The following GLUL variants were observed in gnomAD, a reference collection of about 807,000 sequenced individuals.
The protein encoded by GLUL is glutamate-ammonia ligase.
GLUL carries 8 observed loss-of-function variants against 36.9 expected under a neutral mutation model. The observed-to-expected ratio is 0.22, with a 90% CI of 0.13 to 0.39. The LOEUF is 0.39. Among genes scored for constraint, GLUL ranks in the 10% least tolerant of loss-of-function variants. The pLI, the probability that GLUL is intolerant of heterozygous loss-of-function variation, is 1.00. For missense variants in GLUL, 315 were observed against 501.8 expected (o/e 0.63, Z 3.56); for synonymous variants, 182 against 172.8 (o/e 1.05, Z -0.42).
Position 182,386,663 on chromosome 1 carries a change from G to C in GLUL, c.329-261C>G, listed in dbSNP as rs543540403. 28 of 541,580 alleles carry C rather than the reference G, an allele frequency of 5.2e-5. No individual in the cohort carries two copies. In the Middle Eastern group the frequency reaches 1.5e-3, roughly 28 times the overall value. The allele number at this position is 541,580 out of a possible 1,614,324, so 33.5% of individuals were successfully genotyped here. ...ACCAAGTCACATGGGAGTGGATTTAGAACAGGGCAACTTTCACCTTATCTG... is the reference window on the plus strand; with the variant it reads ...ACCAAGTCACATGGGAGTGGATTTACAACAGGGCAACTTTCACCTTATCTG... On this transcript the variant is annotated intron_variant, in intron 3 of 6. Coordinates refer to ENST00000331872, the MANE Select transcript of GLUL (RefSeq NM_001033044.4).
chr1:182,385,729 T>A, intron 5 of GLUL, 31 bp downstream of exon 5: 8 of 1,613,458 alleles, frequency 5.0e-6, no homozygotes, highest in Non-Finnish European at 6.8e-6. Context: ...CTACCTACCC[T>A]TCTTCATTGA....
intron 2 of GLUL, among the ~76,000 whole-genome samples, 161 bp downstream of exon 2, chr1:182,388,411 T>A (rs1650268120): frequency 6.6e-6 from 1 of 152,200 alleles, no homozygotes; most frequent in African/African-American, 2.4e-5. Context: ...TGAGGCAGTG[T>A]AGGAGCTTAA....
Position 182,387,125 on chromosome 1 carries a change from A to T in GLUL, c.328+6T>A, listed in dbSNP as rs543481170. On this transcript the variant is annotated splice_donor_region_variant and intron_variant, in intron 3 of 6. Transcript: ENST00000331872. ...GAGGGGTATCCATAGCTGTGCTATA[A>T]CACACCTGCAGGCCTTCGATTGTAC... is the stretch of plus-strand genomic sequence containing the variant. The T allele has an allele frequency of 4.2e-5, 68 of 1,607,980 alleles. 1 individual carries two copies. In the South Asian group the frequency reaches 7.5e-4, roughly 18 times the overall value.
rs899488089 is a variant in GLUL at position 182,384,297 on chromosome 1, C to T, written c.*108G>A. 4 of 811,582 alleles carry T rather than the reference C, an allele frequency of 4.9e-6. No individual in the cohort carries two copies. The African/African-American group carries it at 5.1e-5, about 10-fold the overall frequency. 50.3% of individuals were successfully genotyped at this position (811,582 alleles called of 1,614,324 possible). On this transcript the variant is annotated 3_prime_UTR_variant, in exon 7 of 7. Transcript: ENST00000331872. Reference sequence around the variant, plus strand: ...TGGGCACATGGAATGAAAAAAACGACCTTGATATTCCACCCTTTGAGTTAC... The same window carrying T: ...TGGGCACATGGAATGAAAAAAACGATCTTGATATTCCACCCTTTGAGTTAC...
At position 182,378,575 on chromosome 1, in the gene GLUL, C is replaced by T. The variant is rs551290808; in HGVS notation, c.*5830G>A. On this transcript the variant is annotated 3_prime_UTR_variant, in exon 7 of 7. Transcript: ENST00000331872. Reference sequence around the variant, plus strand: ...CCTAGTGACAACTTTCTCATCTCGGCGAATTCTCTTGTGTACTGTTTCTGG... The same window carrying T: ...CCTAGTGACAACTTTCTCATCTCGGTGAATTCTCTTGTGTACTGTTTCTGG... Among the ~76,000 whole-genome samples the T allele has an allele frequency of 6.6e-6, 1 of 152,096 alleles. No individual in the cohort carries two copies. The highest frequency in any genetic ancestry group is 1.5e-5 in the Non-Finnish European group (1 of 68,024).
intron 4 of GLUL, 129 bp from the exon 5 acceptor site, chr1:182,386,016 A>T: frequency 9.8e-7 from 1 of 1,020,118 alleles, no homozygotes; most frequent in Admixed American, 1.7e-5. Context: ...GGTGCGGGGC[A>T]GGGGAGGGGC....
chr1:182,387,136 G>A lies in GLUL; in HGVS notation c.323C>T (p.Pro108Leu). 1 of 1,612,978 alleles carries A rather than the reference G, an allele frequency of 6.2e-7. No individual in the cohort carries two copies. Among genetic ancestry groups the A allele is most frequent in the Non-Finnish European group, 8.5e-7 (1 of 1,179,052 alleles). The change falls in exon 3 of 7, where the codon CCT (proline) becomes CTT (leucine). Residue 108 changes from proline to leucine, a missense_variant. Physicochemically the swap from Pro to Leu is moderately conservative, Grantham distance 98. Coordinates refer to ENST00000331872, the MANE Select transcript of GLUL (RefSeq NM_001033044.4). ...LCEVFKYNRR[P>L]AETNLRHTCK... The stretch of plus-strand genomic sequence containing the variant: ...ATAGCTGTGCTATAACACACCTGCA[G>A]GCCTTCGATTGTACTTGAAAACTTC...
chr1:182,379,575 G>T lies in GLUL; in HGVS notation c.*4830C>A, dbSNP rs1571398559. Among the ~76,000 whole-genome samples, 1 of 151,880 alleles carries T rather than the reference G, an allele frequency of 6.6e-6. No individual in the cohort carries two copies. The highest frequency in any genetic ancestry group is 2.4e-5 in the African/African-American group (1 of 41,334). ...TTTTTTTTTGTTTTTTTGAGACAGG[G>T]TCTCACTTTGTTGCCCAGACTGGAG... On this transcript the variant is annotated 3_prime_UTR_variant, in exon 7 of 7. Coordinates refer to ENST00000331872, the MANE Select transcript of GLUL (RefSeq NM_001033044.4).
At chr1:182,386,936 CAGAG>C in intron 3 of GLUL, 191 bp downstream of exon 3, 1 of 643,164 alleles carries the variant, frequency 1.6e-6, no homozygotes, top group South Asian at 1.8e-5. Context: ...ATGCAACCAA[CAGAG>C]AAGACCATAG....
At position 182,379,107 on chromosome 1, in the gene GLUL, G is replaced by A. The variant is rs114149188; in HGVS notation, c.*5298C>T. ...TGAAGTAGAATTTTTTTAAATGAAC[G>A]GTCGGAGATCGAGCTAAAGGCTATA... is the stretch of plus-strand genomic sequence containing the variant. On this transcript the variant is annotated 3_prime_UTR_variant, in exon 7 of 7. Transcript: ENST00000331872. Among the ~76,000 whole-genome samples, 1,281 of 151,976 alleles carry A rather than the reference G, an allele frequency of 8.4e-3. 15 individuals carry two copies. The highest frequency in any genetic ancestry group is 0.029 in the African/African-American group (1,217 of 41,464).
Position 182,381,806 on chromosome 1 carries a change from G to C in GLUL, c.*2599C>G, listed in dbSNP as rs745540918. The C allele has an allele frequency of 6.6e-6, 1 of 152,188 alleles. No homozygotes were observed. Among genetic ancestry groups the C allele is most frequent in the East Asian group, 1.9e-4 (1 of 5,194 alleles). The allele number at this position is 152,188 out of a possible 1,614,324, so 9.4% of individuals were successfully genotyped here. A position where few individuals can be genotyped will look rare whatever the true frequency, so the allele number is the denominator to read the frequency against. On this transcript the variant is annotated 3_prime_UTR_variant, in exon 7 of 7. Coordinates refer to ENST00000331872, the MANE Select transcript of GLUL (RefSeq NM_001033044.4). ...AGGGAAGACAACTTCAGTTGGGGGG[G>C]TGGAAGCACAGATTCAATGGAAATA... is the stretch of plus-strand genomic sequence containing the variant.
rs756290869 is a variant in GLUL at position 182,379,476 on chromosome 1, G to A, written c.*4929C>T. Among the ~76,000 whole-genome samples, 3 of 152,004 alleles carry A rather than the reference G, an allele frequency of 2.0e-5. No individual in the cohort carries two copies. The highest frequency in any genetic ancestry group is 4.4e-5 in the Non-Finnish European group (3 of 68,008). On this transcript the variant is annotated 3_prime_UTR_variant, in exon 7 of 7. Coordinates refer to ENST00000331872, the MANE Select transcript of GLUL (RefSeq NM_001033044.4). The stretch of plus-strand genomic sequence containing the variant: ...GAACTCAGGTGATCCACCTGCCTTG[G>A]CCTCCCAAAGTGCTAGGATTACAGG...
rs1201923257 is a variant in GLUL at position 182,383,507 on chromosome 1, C to T, written c.*898G>A. ...GTGTTGTCTGTTAACTAATCCAGTGCCCACCTTCTCCAGAGGGTGGGCAGG... is the reference window on the plus strand; with the variant it reads ...GTGTTGTCTGTTAACTAATCCAGTGTCCACCTTCTCCAGAGGGTGGGCAGG... On this transcript the variant is annotated 3_prime_UTR_variant, in exon 7 of 7. Transcript: ENST00000331872. The T allele has an allele frequency of 6.6e-6, 1 of 152,104 alleles. No homozygotes were observed. The highest frequency in any genetic ancestry group is 1.5e-5 in the Non-Finnish European group (1 of 68,018). The allele number at this position is 152,104 out of a possible 1,614,324, so 9.4% of individuals were successfully genotyped here. A position where few individuals can be genotyped will look rare whatever the true frequency, so the allele number is the denominator to read the frequency against.
chr1:182,386,052 G>T, intron 4 of GLUL, 165 bp from the exon 5 acceptor site: 1 of 869,990 alleles, frequency 1.1e-6, no homozygotes, highest in Non-Finnish European at 2.0e-6. Flanking sequence ...CTTCACCACA[G>T]CTTCAGTGGG....
At chr1:182,391,370 C>T in intron 1 of GLUL, 1 of 397,702 alleles carries the variant, frequency 2.5e-6, no homozygotes. Flanking sequence ...GCCGGCCCAA[C>T]GGCCTCCAGG....
intron 2 of GLUL, among the ~76,000 whole-genome samples, chr1:182,387,816 G>A (rs1403269332): frequency 6.6e-6 from 1 of 152,328 alleles, no homozygotes; most frequent in Middle Eastern, 3.4e-3. Flanking sequence ...AGCTGACTGA[G>A]TTCTCTGAAG....
At position 182,384,506 on chromosome 1, in the gene GLUL, G is replaced by A. The variant is rs80358215; in HGVS notation, c.1021C>T (p.Arg341Cys). The A allele has an allele frequency of 3.1e-6, 5 of 1,613,894 alleles. No homozygotes were observed. Among genetic ancestry groups the A allele is most frequent in the African/African-American group, 2.7e-5 (2 of 74,928 alleles). The change falls in exon 7 of 7, where the codon CGC becomes TGC. Residue 341 changes from arginine to cysteine, a missense_variant. This residue lies in a region of GLUL where 58 missense variants were observed against 89.5 expected (regional missense o/e 0.65). Coordinates refer to ENST00000331872, the MANE Select transcript of GLUL (RefSeq NM_001033044.4). Reference sequence around the variant, plus strand: ...AAGGGGTCGCAGTTGGCAGAGGGGCGACGATCTTCAAAGTAACCCTTCTTC... The same window carrying A: ...AAGGGGTCGCAGTTGGCAGAGGGGCAACGATCTTCAAAGTAACCCTTCTTC... ...QEKKGYFEDR[R>C]PSANCDPFSV...
In GLUL at chr1:182,389,018, AGGCCCTT is replaced by A. The variant is rs142623921; in HGVS notation, c.-13-275_-13-269del. 10,469 of 407,430 alleles carry A rather than the reference AGGCCCTT, an allele frequency of 0.026. 271 individuals carry two copies. The highest frequency in any genetic ancestry group is 0.067 in the African/African-American group (3,278 of 48,800). 25.2% of individuals were successfully genotyped at this position (407,430 alleles called of 1,614,324 possible). ...ACAGATGCCTGCTAAAGAAAAGATC[AGGCCCTT>A]GGTAGTAACTCAATGCCTCTGCATC... On this transcript the variant is annotated intron_variant, in intron 1 of 6. Transcript: ENST00000331872.
rs1198166311 is a variant in GLUL, at chr1:182,380,201, T to C, written c.*4204A>G. Among the ~76,000 whole-genome samples, 4 of 152,204 alleles carry C rather than the reference T, an allele frequency of 2.6e-5. No homozygotes were observed. Among genetic ancestry groups the C allele is most frequent in the African/African-American group, 7.2e-5 (3 of 41,448 alleles). On this transcript the variant is annotated 3_prime_UTR_variant, in exon 7 of 7. Coordinates refer to ENST00000331872, the MANE Select transcript of GLUL (RefSeq NM_001033044.4). The stretch of plus-strand genomic sequence containing the variant: ...CTTGGTAGCCTGATTACAATGAGAA[T>C]TAATTAAGTACACTATTTTCCACAG...
Sources: gnomAD v4.1 joint callset for allele counts (sites outside exome capture counted in the v4.1 genomes callset) on GRCh38, gnomAD v4.1.1 for gene constraint, gnomAD v4.1.1 regional missense constraint, MANE v1.5 for transcripts, NCBI Gene and HGNC (gene_info 2026-07-23, HGNC 2026-07-21) for gene names.